ZDHHC7: variants seen among roughly 807,000 people sequenced by gnomAD.
The protein encoded by ZDHHC7 is zDHHC palmitoyltransferase 7, also known as palmitoyltransferase ZDHHC7.
In ZDHHC7, 12 loss-of-function variants were observed where a neutral mutation model predicts 34.1. The ratio of observed to expected loss-of-function variants is 0.35; its 90% CI spans 0.23 to 0.57. The LOEUF is 0.57. Among genes scored for constraint, ZDHHC7 ranks in the 20% least tolerant of loss-of-function variants. ZDHHC7 has a pLI of 0.84. For synonymous variants in ZDHHC7, 185 were observed against 155.4 expected (o/e 1.19, Z -1.42); for missense variants, 388 against 402.7 (o/e 0.96, Z 0.31).
upstream of ZDHHC7, among the ~76,000 whole-genome samples, chr16:85,013,775 TCTC>T (rs1567511319): frequency 6.6e-6 from 1 of 151,810 alleles, no homozygotes; most frequent in African/African-American, 2.4e-5. Context: ...TGCAACCTCA[TCTC>T]CTGGGTTCAA....
At chr16:85,000,783 G>T (rs56087112) in intron 1 of ZDHHC7, among the ~76,000 whole-genome samples, 1 of 152,188 alleles carries the variant, frequency 6.6e-6, no homozygotes, top group Non-Finnish European at 1.5e-5. Context: ...CCTCAAGGAT[G>T]TGCAGCCAAA....
chr16:84,998,213 G>C (rs1245552902), intron 1 of ZDHHC7, among the ~76,000 whole-genome samples: 1 of 150,096 alleles, frequency 6.7e-6, no homozygotes, highest in African/African-American at 2.5e-5. Context: ...GCAGTGAGCC[G>C]AGATCGCACC....
At chr16:84,978,730 T>C (rs1481670151) in intron 5 of ZDHHC7, among the ~76,000 whole-genome samples, 1 of 151,812 alleles carries the variant, frequency 6.6e-6, no homozygotes, top group Non-Finnish European at 1.5e-5. Context: ...GGCGTGGTGG[T>C]ACATGCCTGT....
rs535250892 is a variant in ZDHHC7, at chr16:84,996,174, T to C, written c.-103-167A>G. Among the ~76,000 whole-genome samples, 37 of 152,362 alleles carry C rather than the reference T, an allele frequency of 2.4e-4. No individual in the cohort carries two copies. In the South Asian group the frequency reaches 7.2e-3, roughly 30 times the overall value. On this transcript the variant is annotated intron_variant, in intron 1 of 7. Coordinates refer to ENST00000313732, the MANE Select transcript of ZDHHC7 (RefSeq NM_017740.3). ...AATCATTGCTCTTCTAAGTTTTGATTACTAGGTAAATTCACAATCCTGGAA... is the reference window on the plus strand; with the variant it reads ...AATCATTGCTCTTCTAAGTTTTGATCACTAGGTAAATTCACAATCCTGGAA...
intron 3 of ZDHHC7, among the ~76,000 whole-genome samples, chr16:84,986,262 C>T (rs2072435595): frequency 6.6e-6 from 1 of 152,168 alleles, no homozygotes; most frequent in African/African-American, 2.4e-5. Context: ...GTGAAATTTT[C>T]GAGGCCGGGG....
chr16:84,984,128 T>A (rs1046698303), intron 3 of ZDHHC7, among the ~76,000 whole-genome samples: 2 of 151,332 alleles, frequency 1.3e-5, no homozygotes, highest in Admixed American at 6.6e-5. Context: ...CAAGCGATTC[T>A]CCTGCCTCAG....
chr16:85,003,391 T>C (rs1238264442), intron 1 of ZDHHC7, among the ~76,000 whole-genome samples: 2 of 151,994 alleles, frequency 1.3e-5, no homozygotes, highest in Non-Finnish European at 2.9e-5. Context: ...GGAGCTCACG[T>C]CCTCCCTCAA....
intron 1 of ZDHHC7, among the ~76,000 whole-genome samples, chr16:85,005,329 C>A (rs2072704840): frequency 6.6e-6 from 1 of 152,124 alleles, no homozygotes; most frequent in Non-Finnish European, 1.5e-5. Context: ...GACATGCTAA[C>A]AATACATTTA....
the ZDHHC7 span, among the ~76,000 whole-genome samples, chr16:85,022,084 CG>C: frequency 6.6e-6 from 1 of 150,874 alleles, no homozygotes. Flanking sequence ...GGCGTGAACC[CG>C]GGAGGCGGAG....
rs1193815358 is a variant in ZDHHC7 at position 84,974,475 on chromosome 16, T to C, written c.*1868A>G. 1 of 151,806 alleles carries C rather than the reference T, an allele frequency of 6.6e-6. No homozygotes were observed. The highest frequency in any genetic ancestry group is 2.4e-5 in the African/African-American group (1 of 40,996). The allele number at this position is 151,806 out of a possible 1,614,324, so 9.4% of individuals were successfully genotyped here. On this transcript the variant is annotated 3_prime_UTR_variant, in exon 8 of 8. Coordinates refer to ENST00000313732, the MANE Select transcript of ZDHHC7 (RefSeq NM_017740.3). The stretch of plus-strand genomic sequence containing the variant: ...TTGGAAGCCATTTGAGAACTGTTAA[T>C]TGATTACTTTATTTCATATAAAAGT...
chr16:85,019,826 A>G, the ZDHHC7 span, among the ~76,000 whole-genome samples: 7 of 152,344 alleles, frequency 4.6e-5, 1 homozygote, highest in African/African-American at 1.7e-4. Context: ...AAACAGGACC[A>G]GAGAGGTTGA....
intron 2 of ZDHHC7, among the ~76,000 whole-genome samples, chr16:84,994,252 C>A (rs2072547784): frequency 6.6e-6 from 1 of 152,204 alleles, no homozygotes; most frequent in African/African-American, 2.4e-5. Context: ...GCAGATGCAA[C>A]AAAAAGCAAG....
At chr16:85,009,427 TG>T (rs2072759623) in intron 1 of ZDHHC7, among the ~76,000 whole-genome samples, 1 of 152,074 alleles carries the variant, frequency 6.6e-6, no homozygotes, top group Non-Finnish European at 1.5e-5. Context: ...TACAGTTCAT[TG>T]ATTAGCAGGG....
At chr16:84,986,101 T>A (rs2143607148) in intron 3 of ZDHHC7, among the ~76,000 whole-genome samples, 1 of 152,198 alleles carries the variant, frequency 6.6e-6, no homozygotes, top group South Asian at 2.1e-4. Flanking sequence ...ATACACACGT[T>A]TACAAATGAA....
rs1031503265 is a variant in ZDHHC7, at chr16:84,977,610, C to G, written c.619+314G>C. On this transcript the variant is annotated intron_variant, in intron 6 of 7. Coordinates refer to ENST00000313732, the MANE Select transcript of ZDHHC7 (RefSeq NM_017740.3). Reference sequence around the variant, plus strand: ...GGATGAGCCTGTCCAGACCTCACTGCATATCTAAGGTAGGATAACGAGCAC... The same window carrying G: ...GGATGAGCCTGTCCAGACCTCACTGGATATCTAAGGTAGGATAACGAGCAC... Among the ~76,000 whole-genome samples, 2 of 152,210 alleles carry G rather than the reference C, an allele frequency of 1.3e-5. 1 individual carries two copies. The highest frequency in any genetic ancestry group is 4.1e-4 in the South Asian group (2 of 4,836).
intron 1 of ZDHHC7, among the ~76,000 whole-genome samples, chr16:84,999,283 A>T (rs1281605879): frequency 1.3e-5 from 2 of 152,224 alleles, no homozygotes; most frequent in Non-Finnish European, 2.9e-5. Context: ...AATTTTAAAA[A>T]GTAACCACTT....
chr16:84,991,349 G>A (rs926761855), intron 2 of ZDHHC7, among the ~76,000 whole-genome samples: 2 of 151,204 alleles, frequency 1.3e-5, no homozygotes, highest in South Asian at 2.1e-4. Flanking sequence ...GCAGTGGTGC[G>A]ATCTTGGCTC....
the ZDHHC7 span, among the ~76,000 whole-genome samples, chr16:85,020,444 AGAT>A: frequency 6.6e-6 from 1 of 152,204 alleles, no homozygotes; most frequent in African/African-American, 2.4e-5. Context: ...CTGTGGAGGA[AGAT>A]GATATTATTT....
chr16:85,007,583 T>C (rs2072734754), intron 1 of ZDHHC7, among the ~76,000 whole-genome samples: 1 of 151,844 alleles, frequency 6.6e-6, no homozygotes, highest in Admixed American at 6.6e-5. Context: ...CACAGTCCCA[T>C]AACAAGCAGA....
Sources: allele counts gnomAD v4.1 joint callset (sites outside exome capture counted in the v4.1 genomes callset), GRCh38; gene constraint gnomAD v4.1.1; transcripts MANE v1.5; gene names NCBI Gene and HGNC (gene_info 2026-07-23, HGNC 2026-07-21).